The following NFIA variants were observed in gnomAD, a reference collection of about 807,000 sequenced individuals.
NFIA encodes nuclear factor I A.
In NFIA, 8 loss-of-function variants were observed where a neutral mutation model predicts 62.8. The observed-to-expected ratio is 0.13, with a 90% CI of 0.07 to 0.23. NFIA has a LOEUF of 0.23. NFIA is among the 10% of genes least tolerant of loss of function. NFIA has a pLI of 1.00. For missense variants in NFIA, 410 were observed against 642.1 expected (o/e 0.64, Z 3.91); for synonymous variants, 235 against 238.1 (o/e 0.99, Z 0.12).
intron 10 of NFIA, among the ~76,000 whole-genome samples, chr1:61,437,316 C>G (rs1226572146): frequency 6.6e-6 from 1 of 152,086 alleles, no homozygotes; most frequent in African/African-American, 2.4e-5. Context: ...AGAAGAATAA[C>G]ATAGTAGGTC....
chr1:61,253,924 G>T (rs1396723984), intron 2 of NFIA, among the ~76,000 whole-genome samples: 4 of 152,078 alleles, frequency 2.6e-5, no homozygotes, highest in African/African-American at 9.7e-5. Context: ...ATTAAAGCAA[G>T]TATAGGCATT....
At chr1:61,317,037 CT>C (rs34775550) in intron 3 of NFIA, among the ~76,000 whole-genome samples, 10 of 151,912 alleles carry the variant, frequency 6.6e-5, no homozygotes, top group East Asian at 1.9e-4. Flanking sequence ...ATTTAAATAA[CT>C]TTTTTTCAAA....
chr1:61,407,306 C>T (rs577237622), intron 9 of NFIA, among the ~76,000 whole-genome samples: 94 of 151,828 alleles, frequency 6.2e-4, no homozygotes, highest in Non-Finnish European at 1.1e-3. Context: ...GGCTGGGGTA[C>T]GGAGATAGAG....
chr1:61,454,075 G>A (rs1480949617), intron 10 of NFIA, among the ~76,000 whole-genome samples: 1 of 152,166 alleles, frequency 6.6e-6, no homozygotes, highest in Non-Finnish European at 1.5e-5. Flanking sequence ...GGGACCAAAT[G>A]AGTCCTTACA....
chr1:61,136,110 C>T (rs555654696), intron 2 of NFIA, among the ~76,000 whole-genome samples: 2 of 152,280 alleles, frequency 1.3e-5, no homozygotes, highest in East Asian at 1.9e-4. Context: ...CCTGATCTTA[C>T]TTATGTCTGC....
At chr1:61,370,593 A>T (rs1663831298) in intron 6 of NFIA, among the ~76,000 whole-genome samples, 1 of 152,152 alleles carries the variant, frequency 6.6e-6, no homozygotes, top group African/African-American at 2.4e-5. Context: ...CTTTCTTAAC[A>T]ATTAAAACCC....
Position 61,325,257 on chromosome 1 carries a change from T to TTC in NFIA, c.626-7253_626-7252dup, listed in dbSNP as rs1570580925. Among the ~76,000 whole-genome samples the TTC allele has an allele frequency of 2.0e-5, 3 of 152,246 alleles. No individual in the cohort carries two copies. In the East Asian group the frequency reaches 5.8e-4, roughly 29 times the overall value. On this transcript the variant is annotated intron_variant, in intron 3 of 10. Coordinates refer to ENST00000403491, the MANE Select transcript of NFIA (RefSeq NM_001134673.4). Reference sequence around the variant, plus strand: ...AATCGCTTAAACTCACCTTTTTATTTTCTTTTCCACTTTTTTCTTACTTTG... The same window carrying TTC: ...AATCGCTTAAACTCACCTTTTTATTTTCTCTTTTCCACTTTTTTCTTACTTTG...
chr1:61,203,147 T>G (rs1230368520), intron 2 of NFIA, among the ~76,000 whole-genome samples: 1 of 152,164 alleles, frequency 6.6e-6, no homozygotes, highest in Non-Finnish European at 1.5e-5. Context: ...CCAAATGTGT[T>G]TTTTATTCCG....
chr1:61,316,600 TA>T (rs746221600), intron 3 of NFIA, among the ~76,000 whole-genome samples: 3 of 152,170 alleles, frequency 2.0e-5, no homozygotes, highest in African/African-American at 4.8e-5. Context: ...CGAATGCTGA[TA>T]ACCCTGATGA....
chr1:61,322,508 A>G (rs1048594483), intron 3 of NFIA, among the ~76,000 whole-genome samples: 1 of 152,082 alleles, frequency 6.6e-6, no homozygotes, highest in Non-Finnish European at 1.5e-5. Flanking sequence ...TTTCGCTCAT[A>G]AAAAGGGGTA....
chr1:61,197,703 A>G (rs893780232), intron 2 of NFIA, among the ~76,000 whole-genome samples: 1 of 151,600 alleles, frequency 6.6e-6, no homozygotes, highest in Admixed American at 6.6e-5. Flanking sequence ...AGACGTAGGC[A>G]TGGCGCGGTG....
At chr1:61,401,399 A>G (rs1665549593) in intron 7 of NFIA, among the ~76,000 whole-genome samples, 1 of 152,246 alleles carries the variant, frequency 6.6e-6, no homozygotes, top group African/African-American at 2.4e-5. Flanking sequence ...TCTAAATTTA[A>G]GTTGCTAATG....
intron 4 of NFIA, among the ~76,000 whole-genome samples, chr1:61,344,533 G>A (rs755991422): frequency 2.0e-5 from 3 of 152,168 alleles, no homozygotes; most frequent in Non-Finnish European, 2.9e-5. Context: ...CATATTCCTC[G>A]GTGGCCATAC....
intron 2 of NFIA, among the ~76,000 whole-genome samples, chr1:61,157,002 CCAGTGTGGTGATCAGTACTGGCCA>C (rs1648863325): frequency 6.6e-6 from 1 of 152,124 alleles, no homozygotes; most frequent in Non-Finnish European, 1.5e-5. Context: ...TTCACTGTGG[CCAGTGTGGTGATCAGTACTGGCCA>C]CACCAGTGGC....
At chr1:61,298,972 T>C (rs1255631210) in intron 3 of NFIA, among the ~76,000 whole-genome samples, 1 of 152,190 alleles carries the variant, frequency 6.6e-6, no homozygotes, top group Non-Finnish European at 1.5e-5. Flanking sequence ...TGCTCACTTG[T>C]GTTTGTAGAG....
At chr1:61,374,204 ATATG>A (rs1664041090) in intron 6 of NFIA, among the ~76,000 whole-genome samples, 20 of 152,304 alleles carry the variant, frequency 1.3e-4, no homozygotes, top group Admixed American at 1.1e-3. Context: ...ATTTTATACT[ATATG>A]TATTGTTTAT....
At chr1:61,201,642 T>C (rs1395187109) in intron 2 of NFIA, among the ~76,000 whole-genome samples, 2 of 152,052 alleles carry the variant, frequency 1.3e-5, no homozygotes, top group African/African-American at 4.8e-5. Context: ...TACATAAGGA[T>C]TGTGTGAGAG....
At chr1:61,091,357 G>C (rs1163848942) in intron 2 of NFIA, among the ~76,000 whole-genome samples, 1 of 151,356 alleles carries the variant, frequency 6.6e-6, no homozygotes, top group East Asian at 1.9e-4. Flanking sequence ...TTTTTTTAAA[G>C]CGGAGGTGAT....
At chr1:61,141,709 T>C (rs1647547140) in intron 2 of NFIA, among the ~76,000 whole-genome samples, 1 of 152,236 alleles carries the variant, frequency 6.6e-6, no homozygotes, top group African/African-American at 2.4e-5. Flanking sequence ...TTTCCTGATC[T>C]ACTTGTCTTG....
Sources: gnomAD v4.1 joint callset for allele counts (sites outside exome capture counted in the v4.1 genomes callset) on GRCh38, gnomAD v4.1.1 for gene constraint, MANE v1.5 for transcripts, NCBI Gene and HGNC (gene_info 2026-07-23, HGNC 2026-07-21) for gene names.